EFCAB11: variants seen among roughly 807,000 people sequenced by gnomAD.
EFCAB11 encodes the protein EF-hand calcium binding domain 11.
In EFCAB11, 14 loss-of-function variants were observed where a neutral mutation model predicts 23.0. The ratio of observed to expected loss-of-function variants is 0.61; its 90% CI spans 0.40 to 0.95. EFCAB11 has a LOEUF of 0.95. Ranked by LOEUF, EFCAB11 falls within the 40% of genes least tolerant of loss-of-function variation. The pLI is 0.00. For synonymous variants in EFCAB11, 65 were observed against 66.6 expected, an observed-to-expected ratio of 0.98 and a Z score of 0.11; for missense variants, 198 against 195.8, an observed-to-expected ratio of 1.01 and a Z score of -0.07.
At chr14:89,912,267 T>C (rs1240149953) in intron 5 of EFCAB11, among the ~76,000 whole-genome samples, 1 of 152,216 alleles carries the variant, frequency 6.6e-6, no homozygotes, top group Non-Finnish European at 1.5e-5. Flanking sequence ...TATTGGCCTT[T>C]AAAGAGAAAA....
intron 3 of EFCAB11, among the ~76,000 whole-genome samples, chr14:89,941,275 T>C (rs1284668323): frequency 6.6e-6 from 1 of 152,232 alleles, no homozygotes; most frequent in Non-Finnish European, 1.5e-5. Flanking sequence ...TTGAAATTAA[T>C]GCCTAACAAC....
chr14:89,924,145 A>G, intron 5 of EFCAB11: 2 of 985,920 alleles, frequency 2.0e-6, no homozygotes, highest in South Asian at 9.4e-5. Flanking sequence ...GATTTTGAAA[A>G]TATCTTATTC....
Position 89,797,238 on chromosome 14 carries a change from A to G in EFCAB11, c.*5T>C, listed in dbSNP as rs1374383732. ...CCCAGAGTTACCAAAAGTAGTTCAC[A>G]ATAGTTAGGCTTCCTTCTGTCCATA... is the stretch of plus-strand genomic sequence containing the variant. On this transcript the variant is annotated 3_prime_UTR_variant, in exon 6 of 6. Coordinates refer to ENST00000316738, the MANE Select transcript of EFCAB11 (RefSeq NM_145231.4). The G allele has an allele frequency of 1.2e-6, 2 of 1,612,780 alleles. No individual in the cohort carries two copies. The highest frequency in any genetic ancestry group is 1.7e-5 in the Admixed American group (1 of 59,990).
Position 89,797,127 on chromosome 14 carries a change from A to C in EFCAB11, c.*116T>G. 1.1e-6 allele frequency: 1 copy of C among 934,284 alleles called. No individual in the cohort carries two copies. Among genetic ancestry groups the C allele is most frequent in the Non-Finnish European group, 1.6e-6 (1 of 636,616 alleles). The allele number at this position is 934,284 out of a possible 1,614,324, so 57.9% of individuals were successfully genotyped here. On this transcript the variant is annotated 3_prime_UTR_variant, in exon 6 of 6. Coordinates refer to ENST00000316738, the MANE Select transcript of EFCAB11 (RefSeq NM_145231.4). ...CACCTACTATGTACCCACAAAAATT[A>C]AAAATTTTTAAATGTTTAATCACAA...
rs1891365974 is a variant in EFCAB11 at position 89,954,518 on chromosome 14, A to G, written c.75+68T>C. The G allele has an allele frequency of 2.5e-6, 4 of 1,589,530 alleles. No individual in the cohort carries two copies. The Admixed American group carries it at 7.0e-5, about 28-fold the overall frequency. Reference sequence around the variant, plus strand: ...ACACCCGGCAGAGTGAGACCCAGACACGGGAGAGGAAGCGAGAGGCCCAGG... The same window carrying G: ...ACACCCGGCAGAGTGAGACCCAGACGCGGGAGAGGAAGCGAGAGGCCCAGG... On this transcript the variant is annotated intron_variant, in intron 1 of 5. Transcript: ENST00000316738.
At chr14:89,892,009 C>T (rs1229190767) in intron 5 of EFCAB11, 4 of 1,519,016 alleles carry the variant, frequency 2.6e-6, no homozygotes, top group East Asian at 4.9e-5. Context: ...CCGCGGGCCA[C>T]GAGCGCTTCA....
At chr14:89,866,610 C>T (rs1888099767) in intron 5 of EFCAB11, among the ~76,000 whole-genome samples, 1 of 152,214 alleles carries the variant, frequency 6.6e-6, no homozygotes, top group African/African-American at 2.4e-5. Flanking sequence ...GCCCTGGGCC[C>T]ACACCCTCGT....
Position 89,954,699 on chromosome 14 carries a change from T to G in EFCAB11, c.-39A>C, listed in dbSNP as rs865820668. ...ACCGAGCCCCAGCAACCCAACCAGC[T>G]ACCACCGCTTTCCCAGCCTGGCTGG... On this transcript the variant is annotated 5_prime_UTR_variant, in exon 1 of 6. Coordinates refer to ENST00000316738, the MANE Select transcript of EFCAB11 (RefSeq NM_145231.4). 4.4e-6 allele frequency: 7 copies of G among 1,596,002 alleles called. 1 individual carries two copies. In the Middle Eastern group the frequency reaches 6.6e-4, roughly 150 times the overall value.
At chr14:89,897,261 G>A (rs1186116334) in intron 5 of EFCAB11, among the ~76,000 whole-genome samples, 1 of 146,244 alleles carries the variant, frequency 6.8e-6, no homozygotes, top group Non-Finnish European at 1.5e-5. Flanking sequence ...AGGCTGGAGT[G>A]CAGTGGCGTG....
At chr14:89,815,585 C>T (rs1040764255) in intron 5 of EFCAB11, among the ~76,000 whole-genome samples, 2 of 152,032 alleles carry the variant, frequency 1.3e-5, no homozygotes, top group East Asian at 3.9e-4. Flanking sequence ...CGCCACCACG[C>T]TGGCTAATTT....
chr14:89,865,958 A>G lies in EFCAB11; in HGVS notation c.410+65583T>C, dbSNP rs551925710. ...GTTGGGATTACAGGTGTGAGCCACA[A>G]TGCCTGGCCTGAGATAGGGTTTTGC... On this transcript the variant is annotated intron_variant, in intron 5 of 5. Coordinates refer to ENST00000316738, the MANE Select transcript of EFCAB11 (RefSeq NM_145231.4). Among the ~76,000 whole-genome samples the G allele has an allele frequency of 2.5e-3, 375 of 151,736 alleles. 1 individual carries two copies. Among genetic ancestry groups the G allele is most frequent in the African/African-American group, 8.6e-3 (356 of 41,314 alleles).
At chr14:89,882,331 G>A (rs1888628030) in intron 5 of EFCAB11, among the ~76,000 whole-genome samples, 1 of 152,112 alleles carries the variant, frequency 6.6e-6, no homozygotes, top group South Asian at 2.1e-4. Context: ...ATGTTGAGAT[G>A]GTCTAAATTC....
At chr14:89,893,545 C>A (rs1322910673) in intron 5 of EFCAB11, among the ~76,000 whole-genome samples, 1 of 151,928 alleles carries the variant, frequency 6.6e-6, no homozygotes, top group East Asian at 1.9e-4. Flanking sequence ...TTCAGGGCAG[C>A]CCGTATCCAA....
At chr14:89,806,674 C>G (rs560248056) in intron 5 of EFCAB11, among the ~76,000 whole-genome samples, 1 of 152,118 alleles carries the variant, frequency 6.6e-6, no homozygotes, top group Non-Finnish European at 1.5e-5. Context: ...CCAGCAGAAA[C>G]CCCCCAGGAG....
chr14:89,812,226 T>C (rs1242140268), intron 5 of EFCAB11, among the ~76,000 whole-genome samples: 1 of 152,012 alleles, frequency 6.6e-6, no homozygotes, highest in East Asian at 1.9e-4. Flanking sequence ...AAATATGAAA[T>C]AACTAGAAAT....
chr14:89,854,186 G>C (rs1315690741), intron 5 of EFCAB11, among the ~76,000 whole-genome samples: 1 of 149,576 alleles, frequency 6.7e-6, no homozygotes, highest in Admixed American at 6.6e-5. Flanking sequence ...ATGAATTTGC[G>C]GTTGTCTCTC....
At chr14:89,882,354 G>C (rs1409758437) in intron 5 of EFCAB11, among the ~76,000 whole-genome samples, 1 of 152,160 alleles carries the variant, frequency 6.6e-6, no homozygotes, top group Non-Finnish European at 1.5e-5. Context: ...ATATGTTATA[G>C]AATACTGATC....
At chr14:89,875,428 G>C (rs948906908) in intron 5 of EFCAB11, among the ~76,000 whole-genome samples, 2 of 152,130 alleles carry the variant, frequency 1.3e-5, no homozygotes, top group African/African-American at 4.8e-5. Flanking sequence ...ACACAATTGT[G>C]AGGTACTTTG....
intron 5 of EFCAB11, among the ~76,000 whole-genome samples, chr14:89,802,827 A>G (rs1000613332): frequency 1.3e-5 from 2 of 152,230 alleles, no homozygotes; most frequent in African/African-American, 4.8e-5. Flanking sequence ...AATATTACTT[A>G]TATCTTTTTC....
Sources: allele counts gnomAD v4.1 joint callset (sites outside exome capture counted in the v4.1 genomes callset), GRCh38; gene constraint gnomAD v4.1.1; transcripts MANE v1.5; gene names NCBI Gene and HGNC (gene_info 2026-07-23, HGNC 2026-07-21).